SLC25A30: variants seen among roughly 807,000 people sequenced by gnomAD.
The protein encoded by SLC25A30 is kidney mitochondrial carrier protein 1.
In SLC25A30, 29 loss-of-function variants were observed where a neutral mutation model predicts 42.7. The observed-to-expected ratio is 0.68, with a 90% CI of 0.51 to 0.93. The LOEUF (loss-of-function observed/expected upper bound fraction) is 0.93. Ranked by LOEUF, SLC25A30 falls within the 40% of genes least tolerant of loss-of-function variation. The probability of loss-of-function intolerance (pLI) is 0.00; values close to 1 mark genes in which losing one functional copy is unlikely to be tolerated. For synonymous variants in SLC25A30, 124 were observed against 131.0 expected, an observed-to-expected ratio of 0.95 and a Z score of 0.37; for missense variants, 300 against 359.7, an observed-to-expected ratio of 0.83 and a Z score of 1.34.
chr13:45,427,373 A>G, the SLC25A30 span, among the ~76,000 whole-genome samples: 1 of 152,132 alleles, frequency 6.6e-6, no homozygotes, highest in Non-Finnish European at 1.5e-5. Flanking sequence ...AACTGAACTC[A>G]TTGCAAGAAG....
chr13:45,433,516 C>A, the SLC25A30 span, among the ~76,000 whole-genome samples: 2 of 152,124 alleles, frequency 1.3e-5, no homozygotes, highest in Non-Finnish European at 2.9e-5. Context: ...GTTGTATTAC[C>A]CTGTGAGGGC....
At chr13:45,425,398 A>T in the SLC25A30 span, among the ~76,000 whole-genome samples, 12 of 112,446 alleles carry the variant, frequency 1.1e-4, no homozygotes, top group Non-Finnish European at 2.0e-4. Flanking sequence ...GAAAATATAT[A>T]TGTATATATA....
At chr13:45,405,572 C>T (rs193285891) in intron 4 of SLC25A30, among the ~76,000 whole-genome samples, 17 of 152,272 alleles carry the variant, frequency 1.1e-4, no homozygotes, top group African/African-American at 4.1e-4. Context: ...AAATAGATGA[C>T]AATTCATATG....
At chr13:45,423,447 T>G (rs970909265), upstream of SLC25A30, among the ~76,000 whole-genome samples, 43 of 145,776 alleles carry the variant, frequency 2.9e-4, no homozygotes, top group African/African-American at 1.0e-3. Context: ...GTTAGCAAAT[T>G]ATGGTCCATG....
the SLC25A30 span, among the ~76,000 whole-genome samples, chr13:45,432,494 T>G: frequency 1.5e-4 from 23 of 152,126 alleles, no homozygotes; most frequent in Admixed American, 6.6e-5. Flanking sequence ...TCTTTCATCT[T>G]CTAAAGATCC....
At chr13:45,426,140 G>A in the SLC25A30 span, among the ~76,000 whole-genome samples, 1 of 151,474 alleles carries the variant, frequency 6.6e-6, no homozygotes, top group Non-Finnish European at 1.5e-5. Flanking sequence ...AGTCTGGAGT[G>A]CAGTGGCGCC....
Position 45,401,194 on chromosome 13 carries a change from G to C in SLC25A30, c.503C>G (p.Thr168Ser), listed in dbSNP as rs771069690. 3.7e-6 allele frequency: 6 copies of C among 1,613,940 alleles called. No individual in the cohort carries two copies. The highest frequency in any genetic ancestry group is 5.1e-6 in the Non-Finnish European group (6 of 1,179,942). Residue 168 changes from threonine (T) to serine (S), a missense_variant, in exon 7 of 10, where the codon ACT (threonine) becomes AGT (serine). Coordinates refer to ENST00000519676, the MANE Select transcript of SLC25A30 (RefSeq NM_001010875.4). Reference protein sequence around the residue: ...TRGLWKGVSLTAQRAAIVVGV... With the variant: ...TRGLWKGVSLSAQRAAIVVGV... ...AACAACAATAGCAGCCCTCTGCGCA[G>C]TAAGGGACACACCCTGGGTAAAAAT...
chr13:45,404,110 C>G (rs370418566), intron 5 of SLC25A30, among the ~76,000 whole-genome samples: 3 of 152,136 alleles, frequency 2.0e-5, no homozygotes, highest in East Asian at 3.9e-4. Flanking sequence ...CCTCAATCAC[C>G]GAAATCTTTG....
At chr13:45,429,056 CTTTTTTTTTTTTTT>C in the SLC25A30 span, among the ~76,000 whole-genome samples, 595 of 93,862 alleles carry the variant, frequency 6.3e-3, 4 homozygotes, top group East Asian at 9.7e-3. Flanking sequence ...TGTGCAAGCT[CTTTTTTTTTTTTTT>C]TTTTTTTTTT....
Position 45,395,133 on chromosome 13 carries a change from T to C in SLC25A30, c.*841A>G. The C allele has an allele frequency of 1.0e-6, 1 of 985,468 alleles. No individual in the cohort carries two copies. Among genetic ancestry groups the C allele is most frequent in the Non-Finnish European group, 1.2e-6 (1 of 829,932 alleles). The allele number at this position is 985,468 out of a possible 1,614,324, so 61.0% of individuals were successfully genotyped here. On this transcript the variant is annotated 3_prime_UTR_variant, in exon 10 of 10. Transcript: ENST00000519676. Reference sequence around the variant, plus strand: ...TCAAGTAGCAGCAGCTACTATTTGTTCTTCATTTGACCCTCTACATCAATA... The same window carrying C: ...TCAAGTAGCAGCAGCTACTATTTGTCCTTCATTTGACCCTCTACATCAATA...
chr13:45,409,104 A>G, intron 2 of SLC25A30, 30 bp from the exon 3 acceptor site: 1 of 1,551,370 alleles, frequency 6.4e-7, no homozygotes, highest in South Asian at 1.2e-5. Context: ...TTCACTTAAT[A>G]AAAAGAAATT....
Position 45,393,334 on chromosome 13 carries a change from A to C in SLC25A30, c.*2640T>G. ...GAAATCATTTTTATTATTATATATT[A>C]CTCCAGTTTATTAAATAAATGAAAC... On this transcript the variant is annotated 3_prime_UTR_variant, in exon 10 of 10. Transcript: ENST00000519676. 1 of 961,148 alleles carries C rather than the reference A, an allele frequency of 1.0e-6. No individual in the cohort carries two copies. Among genetic ancestry groups the C allele is most frequent in the Middle Eastern group, 5.4e-4 (1 of 1,862 alleles). 59.5% of individuals were successfully genotyped at this position (961,148 alleles called of 1,614,324 possible).
intron 1 of SLC25A30, among the ~76,000 whole-genome samples, chr13:45,415,855 G>A (rs1293907207): frequency 4.9e-5 from 7 of 143,606 alleles, no homozygotes; most frequent in East Asian, 2.2e-4. Flanking sequence ...GCTGGAGTGC[G>A]GTGGTGCTAT....
chr13:45,413,343 T>C (rs192983457), intron 1 of SLC25A30, among the ~76,000 whole-genome samples: 13 of 152,322 alleles, frequency 8.5e-5, no homozygotes, highest in Non-Finnish European at 1.8e-4. Flanking sequence ...ATAGTTAAGA[T>C]TGTAAGAGAC....
intron 7 of SLC25A30, among the ~76,000 whole-genome samples, chr13:45,399,863 T>A (rs1371216924): frequency 6.6e-6 from 1 of 151,860 alleles, no homozygotes; most frequent in Admixed American, 6.6e-5. Flanking sequence ...CCACAGACCA[T>A]ACTTTATATC....
the SLC25A30 span, among the ~76,000 whole-genome samples, chr13:45,427,338 C>G: frequency 6.6e-6 from 1 of 152,150 alleles, no homozygotes; most frequent in African/African-American, 2.4e-5. Flanking sequence ...ACAATTACCT[C>G]TGGTCCTTTC....
chr13:45,424,534 T>A, the SLC25A30 span, among the ~76,000 whole-genome samples: 4 of 52,436 alleles, frequency 7.6e-5, 2 homozygotes, highest in African/African-American at 1.3e-4. Flanking sequence ...AAAATATATA[T>A]AAATATATAA....
chr13:45,403,297 T>C (rs1013907671), intron 5 of SLC25A30, among the ~76,000 whole-genome samples: 3 of 152,218 alleles, frequency 2.0e-5, no homozygotes, highest in African/African-American at 7.2e-5. Flanking sequence ...GCTGTAATGC[T>C]TGTCAGAATC....
Position 45,393,606 on chromosome 13 carries a change from A to G in SLC25A30, c.*2368T>C, listed in dbSNP as rs1881107228. On this transcript the variant is annotated 3_prime_UTR_variant, in exon 10 of 10. Transcript: ENST00000519676. Reference sequence around the variant, plus strand: ...TAGAATTCCTTTTGGCATATTTAAGAAAACCCAAAGGTGGGGAGGTACTTA... The same window carrying G: ...TAGAATTCCTTTTGGCATATTTAAGGAAACCCAAAGGTGGGGAGGTACTTA... The G allele has an allele frequency of 4.1e-6, 4 of 985,334 alleles. No individual in the cohort carries two copies. The Admixed American group carries it at 1.8e-4, about 45-fold the overall frequency. 61.0% of individuals were successfully genotyped at this position (985,334 alleles called of 1,614,324 possible).
Sources: gnomAD v4.1 joint callset for allele counts (sites outside exome capture counted in the v4.1 genomes callset) on GRCh38, gnomAD v4.1.1 for gene constraint, MANE v1.5 for transcripts, NCBI Gene and HGNC (gene_info 2026-07-23, HGNC 2026-07-21) for gene names.